The following VCAN variants were observed in gnomAD, a reference collection of about 807,000 sequenced individuals.
VCAN encodes versican core protein.
Under a neutral mutation model 245.5 loss-of-function variants are expected in VCAN, and 44 were observed. The observed-to-expected ratio is 0.18, with a 90% CI of 0.14 to 0.23. The LOEUF is 0.23. Ranked by LOEUF, VCAN falls within the 10% of genes least tolerant of loss-of-function variation. VCAN has a pLI of 1.00. For synonymous variants in VCAN, 1,413 were observed against 1,437.0 expected, an observed-to-expected ratio of 0.98 and a Z score of 0.38; for missense variants, 3,793 against 4,057.9, an observed-to-expected ratio of 0.93 and a Z score of 1.77.
chr5:83,572,389 A>G lies in VCAN; in HGVS notation c.9736-27A>G, dbSNP rs541600152. 1.7e-4 allele frequency: 281 copies of G among 1,613,728 alleles called. 3 individuals are homozygous for G. In the South Asian group the frequency reaches 2.6e-3, roughly 15 times the overall value. ...TTACGTTACTTTTTGACTAGCAAGTAGTTACCTTCTCCCTCCATTTTTACA... is the reference window on the plus strand; with the variant it reads ...TTACGTTACTTTTTGACTAGCAAGTGGTTACCTTCTCCCTCCATTTTTACA... On this transcript the variant is annotated intron_variant, in intron 12 of 14. Coordinates refer to ENST00000265077, the MANE Select transcript of VCAN (RefSeq NM_004385.5).
chr5:83,515,250 G>A (rs577675489), intron 6 of VCAN, among the ~76,000 whole-genome samples: 2 of 152,204 alleles, frequency 1.3e-5, no homozygotes, highest in Non-Finnish European at 2.9e-5. Flanking sequence ...TTCTGTGAAA[G>A]TTGGAGAGTT....
intron 8 of VCAN, 67 bp from the exon 9 acceptor site, chr5:83,545,470 A>G (rs560390320): frequency 4.7e-5 from 63 of 1,335,490 alleles, no homozygotes; most frequent in Non-Finnish European, 6.2e-5. Flanking sequence ...GGGGCGTTTT[A>G]TGCTAAAATA....
At position 83,519,472 on chromosome 5, in the gene VCAN, C is replaced by T; in HGVS notation, c.1166C>T (p.Pro389Leu). Residue 389 changes from proline to leucine, a missense_variant, in exon 7 of 15, where the codon CCT (proline) becomes CTT (leucine). By Grantham distance (98) the Pro-to-Leu change is moderately conservative (BLOSUM62 -3). Transcript: ENST00000265077. The stretch of plus-strand genomic sequence containing the variant: ...ATCATCCCTTTAGTTGATGAATTAC[C>T]TGTCATTCCAACAGAGTTCCCTCCC... ...TPIIPLVDELPVIPTEFPPVG... is the reference protein window; with the variant it reads ...TPIIPLVDELLVIPTEFPPVG... The T allele has an allele frequency of 6.2e-7, 1 of 1,614,130 alleles. No individual in the cohort carries two copies.
At chr5:83,575,720 A>T (rs1188832093) in intron 13 of VCAN, among the ~76,000 whole-genome samples, 1 of 152,164 alleles carries the variant, frequency 6.6e-6, no homozygotes, top group East Asian at 1.9e-4. Flanking sequence ...GTCTCTAGAC[A>T]TTGCCATATG....
intron 2 of VCAN, among the ~76,000 whole-genome samples, chr5:83,485,478 A>T (rs1484133484): frequency 1.3e-5 from 2 of 152,108 alleles, no homozygotes; most frequent in Admixed American, 1.3e-4. Flanking sequence ...GCAAAGAAAG[A>T]TATGAGTTGA....
chr5:83,481,314 T>C (rs1439544487), intron 1 of VCAN, among the ~76,000 whole-genome samples: 1 of 148,400 alleles, frequency 6.7e-6, no homozygotes, highest in Admixed American at 6.8e-5. Context: ...CACTGCAACC[T>C]CCACCTCCCG....
chr5:83,563,677 G>A (rs978390661), intron 12 of VCAN, among the ~76,000 whole-genome samples: 18 of 152,128 alleles, frequency 1.2e-4, no homozygotes, highest in African/African-American at 2.9e-4. Flanking sequence ...TATCCAGTGC[G>A]TTTGGATTGA....
At chr5:83,522,708 C>T (rs573908037) in intron 7 of VCAN, among the ~76,000 whole-genome samples, 15 of 152,250 alleles carry the variant, frequency 9.9e-5, no homozygotes, top group East Asian at 5.8e-4. Flanking sequence ...ACAATGTGGA[C>T]GGCTAAAATC....
chr5:83,549,798 G>A lies in VCAN; in HGVS notation c.9493+1714G>A, dbSNP rs185650999. ...GAAACATCGATCTCAGTCTGTTTAC[G>A]CAGTGCAGCTGTGCTCCTGTGATTT... is the stretch of plus-strand genomic sequence containing the variant. On this transcript the variant is annotated intron_variant, in intron 10 of 14. Coordinates refer to ENST00000265077, the MANE Select transcript of VCAN (RefSeq NM_004385.5). 1.2e-3 allele frequency among the ~76,000 whole-genome samples: 177 copies of A among 152,234 alleles called. 1 individual carries two copies. The highest frequency in any genetic ancestry group is 5.2e-3 in the Admixed American group (79 of 15,290).
In VCAN at chr5:83,540,432, G is replaced by C. The variant is rs1318413377; in HGVS notation, c.7429G>C (p.Val2477Leu). 1 of 1,614,022 alleles carries C rather than the reference G, an allele frequency of 6.2e-7. No individual in the cohort carries two copies. Among genetic ancestry groups the C allele is most frequent in the South Asian group, 1.1e-5 (1 of 91,080 alleles). Reference sequence around the variant, plus strand: ...TCCTGAGGTGCCAAGCGCTAAAGCTGTTACTGCTGATGGATTCCCAACAGT... The same window carrying C: ...TCCTGAGGTGCCAAGCGCTAAAGCTCTTACTGCTGATGGATTCCCAACAGT... ...KHPEVPSAKAVTADGFPTVSV... is the reference protein window; with the variant it reads ...KHPEVPSAKALTADGFPTVSV... Residue 2477 changes from valine to leucine, a missense_variant, in exon 8 of 15, where the codon GTT (valine) becomes CTT (leucine). By Grantham distance (32) the Val-to-Leu change is conservative. Transcript: ENST00000265077.
intron 9 of VCAN, among the ~76,000 whole-genome samples, chr5:83,546,759 GT>G (rs1019988019): frequency 6.6e-6 from 1 of 152,018 alleles, no homozygotes; most frequent in Non-Finnish European, 1.5e-5. Context: ...CCATAAACAT[GT>G]TTGGTATTAT....
intron 7 of VCAN, among the ~76,000 whole-genome samples, chr5:83,532,722 T>A (rs1282786804): frequency 1.3e-5 from 2 of 151,932 alleles, no homozygotes; most frequent in African/African-American, 2.4e-5. Flanking sequence ...TAAAAAAAAA[T>A]TCAATAAAAC....
rs1289533710 is a variant in VCAN at position 83,471,746 on chromosome 5, A to G, written c.-284A>G. On this transcript the variant is annotated 5_prime_UTR_variant, in exon 1 of 15. Coordinates refer to ENST00000265077, the MANE Select transcript of VCAN (RefSeq NM_004385.5). ...AATGATGATGGGTGTCACAACCCGC[A>G]TTTGAACTTGCAGGCGAGCTGCCCC... The G allele has an allele frequency of 2.5e-6, 1 of 398,602 alleles. No homozygotes were observed. Among genetic ancestry groups the G allele is most frequent in the Non-Finnish European group, 4.4e-6 (1 of 226,214 alleles). The allele number at this position is 398,602 out of a possible 1,614,324, so 24.7% of individuals were successfully genotyped here. A position where few individuals can be genotyped will look rare whatever the true frequency, so the allele number is the denominator to read the frequency against.
chr5:83,520,774 C>G lies in VCAN; in HGVS notation c.2468C>G (p.Ser823Cys). ...TTAGAGTCTACAGAACCTTCAGCCT[C>G]TTCAAAATTGCCCCCTGCCTTACTC... ...KPLESTEPSA[S>C]SKLPPALLTT... Residue 823 changes from serine (S) to cysteine (C), a missense_variant, in exon 7 of 15, where the codon TCT (serine) becomes TGT (cysteine). Physicochemically the swap from Ser to Cys is moderately radical, Grantham distance 112. Transcript: ENST00000265077. The G allele has an allele frequency of 6.2e-7, 1 of 1,614,126 alleles. No individual in the cohort carries two copies. Among genetic ancestry groups the G allele is most frequent in the Non-Finnish European group, 8.5e-7 (1 of 1,179,988 alleles).
At chr5:83,505,605 C>T (rs1175703663) in intron 5 of VCAN, among the ~76,000 whole-genome samples, 1 of 152,180 alleles carries the variant, frequency 6.6e-6, no homozygotes, top group Non-Finnish European at 1.5e-5. Context: ...TGAGTGTCTG[C>T]AGCTTTCCCG....
At chr5:83,496,429 C>T (rs1325397431) in intron 5 of VCAN, among the ~76,000 whole-genome samples, 2 of 152,060 alleles carry the variant, frequency 1.3e-5, no homozygotes, top group Non-Finnish European at 2.9e-5. Flanking sequence ...CTCTTTATAC[C>T]AAATCAACAG....
In VCAN at chr5:83,539,813, A is replaced by G. The variant is rs1233798600; in HGVS notation, c.6810A>G (p.Ser2270=). ...TTTTACCTACTCTACCAACAGAGTCAGTGAATTTTACTGAAGTGGAACAAA... is the reference window on the plus strand; with the variant it reads ...TTTTACCTACTCTACCAACAGAGTCGGTGAATTTTACTGAAGTGGAACAAA... ...EEVLPTLPTE[S]VNFTEVEQIN... is the part of the protein sequence containing the mutation. Residue 2270 remains serine, a synonymous_variant, in exon 8 of 15, where the codon TCA becomes TCG. Coordinates refer to ENST00000265077, the MANE Select transcript of VCAN (RefSeq NM_004385.5). 1 of 1,614,078 alleles carries G rather than the reference A, an allele frequency of 6.2e-7. No individual in the cohort carries two copies. Among genetic ancestry groups the G allele is most frequent in the Admixed American group, 1.7e-5 (1 of 59,984 alleles).
chr5:83,481,218 T>C (rs1744600406), intron 1 of VCAN, among the ~76,000 whole-genome samples: 1 of 150,626 alleles, frequency 6.6e-6, no homozygotes. Context: ...TATTTATAAG[T>C]ATAATTAAAG....
At position 83,539,973 on chromosome 5, in the gene VCAN, A is replaced by G. The variant is rs768306081; in HGVS notation, c.6970A>G (p.Ser2324Gly). ...ATCTCAAACAGACATCTTTGAAGGTAGTGGGTCAGTAACCAGCACAACATT... is the reference window on the plus strand; with the variant it reads ...ATCTCAAACAGACATCTTTGAAGGTGGTGGGTCAGTAACCAGCACAACATT... ...LVSQTDIFEGSGSVTSTTLIE... is the reference protein window; with the variant it reads ...LVSQTDIFEGGGSVTSTTLIE... Residue 2324 changes from serine to glycine, a missense_variant, in exon 8 of 15, where the codon AGT becomes GGT. This residue lies in a region of VCAN where 3,182 missense variants were observed against 3,250.3 expected (regional missense o/e 0.98). Coordinates refer to ENST00000265077, the MANE Select transcript of VCAN (RefSeq NM_004385.5). 1 of 1,614,130 alleles carries G rather than the reference A, an allele frequency of 6.2e-7. No individual in the cohort carries two copies. Among genetic ancestry groups the G allele is most frequent in the South Asian group, 1.1e-5 (1 of 91,080 alleles).
Sources: gnomAD v4.1 joint callset for allele counts (sites outside exome capture counted in the v4.1 genomes callset) on GRCh38, gnomAD v4.1.1 for gene constraint, gnomAD v4.1.1 regional missense constraint, MANE v1.5 for transcripts, NCBI Gene and HGNC (gene_info 2026-07-23, HGNC 2026-07-21) for gene names.